Variants in SUSD4 observed in about 807,000 individuals in gnomAD.
SUSD4 encodes sushi domain containing 4, also known as sushi domain-containing protein 4.
In SUSD4, 41 loss-of-function variants were observed where a neutral mutation model predicts 50.5. That is an observed-to-expected ratio of 0.81 (90% CI 0.63 to 1.05). The LOEUF (loss-of-function observed/expected upper bound fraction) is 1.05, where lower values mean the gene tolerates loss of function less well. Among genes scored for constraint, SUSD4 ranks in the 50% least tolerant of loss-of-function variants. SUSD4 has a pLI of 0.00. For missense variants in SUSD4, 580 were observed against 634.7 expected (o/e 0.91, Z 0.93); for synonymous variants, 257 against 257.3 (o/e 1.00, Z 0.01).
At chr1:223,363,546 G>A in intron 1 of SUSD4, 86 bp from the exon 2 acceptor site, 1 of 1,339,974 alleles carries the variant, frequency 7.5e-7, no homozygotes, top group Non-Finnish European at 9.8e-7. Context: ...GGGACCCGGC[G>A]CCTCGGCTTC....
chr1:223,276,258 C>A (rs141063786), intron 3 of SUSD4, among the ~76,000 whole-genome samples: 1 of 152,370 alleles, frequency 6.6e-6, no homozygotes, highest in African/African-American at 2.4e-5. Flanking sequence ...CAGGCTCTGA[C>A]AAGGATCTGT....
In SUSD4 at chr1:223,226,440, G is replaced by C. The variant is rs1292801681; in HGVS notation, c.1061+1154C>G. Among the ~76,000 whole-genome samples, 8 of 152,222 alleles carry C rather than the reference G, an allele frequency of 5.3e-5. No homozygotes were observed. The South Asian group carries it at 8.3e-4, about 16-fold the overall frequency. On this transcript the variant is annotated intron_variant, in intron 7 of 8. Transcript: ENST00000366878. ...ACCTATCAGGTTGTGACCATAGCGGGTCCCTGCTGCCAGGCAGGGGAGAAT... is the reference window on the plus strand; with the variant it reads ...ACCTATCAGGTTGTGACCATAGCGGCTCCCTGCTGCCAGGCAGGGGAGAAT...
At chr1:223,230,777 G>C (rs1188727490) in intron 5 of SUSD4, 14 of 152,270 alleles carry the variant, frequency 9.2e-5, no homozygotes, top group African/African-American at 3.4e-4. Flanking sequence ...ACAGGCCTAG[G>C]TCTGAATTCC....
intron 5 of SUSD4, among the ~76,000 whole-genome samples, chr1:223,253,649 C>A (rs1389288490): frequency 6.6e-6 from 1 of 152,160 alleles, no homozygotes; most frequent in East Asian, 1.9e-4. Flanking sequence ...GAAATGACTG[C>A]AGGCATTTAT....
intron 7 of SUSD4, among the ~76,000 whole-genome samples, chr1:223,226,568 C>G (rs1659533127): frequency 6.6e-6 from 1 of 152,216 alleles, no homozygotes; most frequent in Admixed American, 6.5e-5. Context: ...CCTCTCACAG[C>G]TGGGAGATGT....
At chr1:223,323,207 A>G (rs529319073) in intron 2 of SUSD4, among the ~76,000 whole-genome samples, 1 of 150,408 alleles carries the variant, frequency 6.6e-6, no homozygotes, top group South Asian at 2.1e-4. Context: ...AAGGAGGGGG[A>G]TGGAAGGAAA....
intron 2 of SUSD4, among the ~76,000 whole-genome samples, chr1:223,295,962 GGAA>G (rs1186542978): frequency 6.6e-6 from 1 of 152,098 alleles, no homozygotes; most frequent in East Asian, 1.9e-4. Flanking sequence ...GAAAAGGGTG[GGAA>G]GATCATTTGA....
Position 223,227,478 on chromosome 1 carries a change from CT to C in SUSD4, c.1061+115del. 7.4e-7 allele frequency: 1 copy of C among 1,354,114 alleles called. No homozygotes were observed. The allele number at this position is 1,354,114 out of a possible 1,614,324, so 83.9% of individuals were successfully genotyped here. ...AACATCCCAGAACATTGTTTTTGCT[CT>C]CCCCTGTTTCCCTTTAGAGCTTCAA... On this transcript the variant is annotated intron_variant, in intron 7 of 8. Transcript: ENST00000366878. This position sits in a 1 kb window ranked among gnomAD's most constrained non-coding sequence, Gnocchi z 4.5.
chr1:223,309,014 G>A (rs1464366074), intron 2 of SUSD4, among the ~76,000 whole-genome samples: 2 of 152,192 alleles, frequency 1.3e-5, no homozygotes, highest in Non-Finnish European at 2.9e-5. Flanking sequence ...GACTTGTATA[G>A]AGTATGTCAT....
intron 2 of SUSD4, among the ~76,000 whole-genome samples, chr1:223,329,967 C>T (rs1045964318): frequency 2.0e-5 from 3 of 151,894 alleles, no homozygotes; most frequent in South Asian, 2.1e-4. Context: ...GATGAACAAA[C>T]GGAAAGATGG....
chr1:223,245,369 G>C (rs1660849193), intron 5 of SUSD4, among the ~76,000 whole-genome samples: 1 of 151,800 alleles, frequency 6.6e-6, no homozygotes, highest in African/African-American at 2.4e-5. Flanking sequence ...ATGCATACAG[G>C]AATGCACGAT....
intron 2 of SUSD4, among the ~76,000 whole-genome samples, chr1:223,339,575 CTG>C (rs1404827994): frequency 1.3e-5 from 2 of 152,204 alleles, no homozygotes; most frequent in Non-Finnish European, 2.9e-5. Context: ...TGGTGTGAGA[CTG>C]AGGGAGTCAC....
intron 3 of SUSD4, among the ~76,000 whole-genome samples, chr1:223,278,981 C>A (rs1663490394): frequency 1.3e-5 from 2 of 152,236 alleles, no homozygotes; most frequent in Admixed American, 1.3e-4. Flanking sequence ...CTCCAGCTAA[C>A]TCCAACAGAC....
intron 3 of SUSD4, among the ~76,000 whole-genome samples, chr1:223,272,228 C>A (rs1010953360): frequency 6.6e-6 from 1 of 152,194 alleles, no homozygotes; most frequent in African/African-American, 2.4e-5. Context: ...TGCTTCTGTC[C>A]TATTGAATCT....
rs1385694946 is a variant in SUSD4 at position 223,338,436 on chromosome 1, C to T, written c.148+24842G>A. Among the ~76,000 whole-genome samples the T allele has an allele frequency of 2.6e-5, 4 of 152,124 alleles. No homozygotes were observed. In the South Asian group the frequency reaches 6.2e-4, roughly 24 times the overall value. ...ACTGAGGCAGGAGAGAGGCAGGGTGCGTGTCACAGAGGGCTTTGTGTGCTA... is the reference window on the plus strand; with the variant it reads ...ACTGAGGCAGGAGAGAGGCAGGGTGTGTGTCACAGAGGGCTTTGTGTGCTA... On this transcript the variant is annotated intron_variant, in intron 2 of 8. Coordinates refer to ENST00000366878, the MANE Select transcript of SUSD4 (RefSeq NM_017982.4).
intron 8 of SUSD4, among the ~76,000 whole-genome samples, chr1:223,222,859 C>T (rs1411228337): frequency 6.6e-6 from 1 of 152,158 alleles, no homozygotes; most frequent in Non-Finnish European, 1.5e-5. Context: ...CATGTATGTG[C>T]CATCCTGTCC....
chr1:223,341,597 C>G (rs1433113383), intron 2 of SUSD4, among the ~76,000 whole-genome samples: 3 of 152,184 alleles, frequency 2.0e-5, no homozygotes, highest in African/African-American at 7.2e-5. Flanking sequence ...ACTGACGGGG[C>G]ACCCAAGTGT....
chr1:223,279,427 A>G (rs1289430644), intron 3 of SUSD4, among the ~76,000 whole-genome samples: 1 of 152,254 alleles, frequency 6.6e-6, no homozygotes, highest in Non-Finnish European at 1.5e-5. Flanking sequence ...TGACAAATGC[A>G]CAAGCTTCAG....
At chr1:223,252,236 A>AAAATATATAT (rs1343732568) in intron 5 of SUSD4, among the ~76,000 whole-genome samples, 4 of 89,714 alleles carry the variant, frequency 4.5e-5, no homozygotes, top group African/African-American at 1.6e-4. Flanking sequence ...AAAAAAAAAA[A>AAAATATATAT]ATATATATAT....
Sources: allele counts gnomAD v4.1 joint callset (sites outside exome capture counted in the v4.1 genomes callset), GRCh38; gene constraint gnomAD v4.1.1; non-coding constraint Gnocchi (gnomAD v3.1); transcripts MANE v1.5; gene names NCBI Gene and HGNC (gene_info 2026-07-23, HGNC 2026-07-21).